The following SLC14A2 variants were observed in gnomAD, a reference collection of about 807,000 sequenced individuals.
The protein encoded by SLC14A2 is solute carrier family 14 member 2.
Under a neutral mutation model 104.6 loss-of-function variants are expected in SLC14A2, and 91 were observed. That is an observed-to-expected ratio of 0.87 (90% CI 0.73 to 1.04). SLC14A2 has a LOEUF of 1.04. Among genes scored for constraint, SLC14A2 ranks in the 50% least tolerant of loss-of-function variants. SLC14A2 has a pLI of 0.00. For missense variants in SLC14A2, 1,189 were observed against 1,156.0 expected (o/e 1.03, Z -0.41); for synonymous variants, 476 against 466.4 (o/e 1.02, Z -0.27).
At chr18:45,369,377 C>T (rs2085698943) in intron 1 of SLC14A2, among the ~76,000 whole-genome samples, 1 of 152,138 alleles carries the variant, frequency 6.6e-6, no homozygotes, top group Non-Finnish European at 1.5e-5. Flanking sequence ...ACATGTTTGA[C>T]TTAATTTGAT....
At chr18:45,256,084 G>A (rs1043449223) in intron 1 of SLC14A2, among the ~76,000 whole-genome samples, 2 of 152,278 alleles carry the variant, frequency 1.3e-5, no homozygotes, top group South Asian at 2.1e-4. Flanking sequence ...TTCTGGAGGT[G>A]CCGGAACAAA....
intron 2 of SLC14A2, among the ~76,000 whole-genome samples, chr18:45,510,536 G>A (rs1440875610): frequency 6.6e-6 from 1 of 152,060 alleles, no homozygotes; most frequent in Non-Finnish European, 1.5e-5. Flanking sequence ...AATCTTTCAT[G>A]GAATGTCACA....
chr18:45,378,494 A>G (rs568301509), intron 1 of SLC14A2, among the ~76,000 whole-genome samples: 3 of 152,230 alleles, frequency 2.0e-5, no homozygotes, highest in Non-Finnish European at 4.4e-5. Flanking sequence ...GACATGATAG[A>G]GGCAAGTGAT....
chr18:45,321,638 G>A (rs1035606655), intron 1 of SLC14A2, among the ~76,000 whole-genome samples: 1 of 152,154 alleles, frequency 6.6e-6, no homozygotes, highest in Non-Finnish European at 1.5e-5. Flanking sequence ...ATCCTCCAGC[G>A]CCCGTGCTAT....
intron 1 of SLC14A2, among the ~76,000 whole-genome samples, chr18:45,313,357 C>A (rs905331745): frequency 3.3e-5 from 5 of 152,160 alleles, no homozygotes; most frequent in Non-Finnish European, 7.3e-5. Flanking sequence ...TCCATGACTG[C>A]AGGGCCTGAG....
intron 1 of SLC14A2, among the ~76,000 whole-genome samples, chr18:45,253,894 C>T (rs1012268579): frequency 6.6e-6 from 1 of 152,136 alleles, no homozygotes; most frequent in Non-Finnish European, 1.5e-5. Flanking sequence ...TGAGGAGATT[C>T]TATTCTATAT....
intron 2 of SLC14A2, among the ~76,000 whole-genome samples, chr18:45,551,158 C>A (rs1159214265): frequency 6.6e-6 from 1 of 152,068 alleles, no homozygotes; most frequent in South Asian, 2.1e-4. Context: ...CTGCTACAGG[C>A]AGGAAAGACA....
intron 10 of SLC14A2, 119 bp downstream of exon 10, chr18:45,644,279 G>A: frequency 1.1e-6 from 1 of 926,414 alleles, no homozygotes. Context: ...CCTTGCACCT[G>A]TGTAGAACCA....
At chr18:45,186,431 C>T in the SLC14A2 span, among the ~76,000 whole-genome samples, 3 of 152,164 alleles carry the variant, frequency 2.0e-5, no homozygotes, top group Non-Finnish European at 2.9e-5. Context: ...TATTTCACAT[C>T]ATCTACAAAA....
intron 1 of SLC14A2, among the ~76,000 whole-genome samples, chr18:45,368,000 G>C (rs1437621771): frequency 6.6e-6 from 1 of 152,122 alleles, no homozygotes; most frequent in African/African-American, 2.4e-5. Context: ...CATCTGGGTG[G>C]CTGTGATCCT....
chr18:45,671,433 A>G (rs2046133735), intron 16 of SLC14A2, among the ~76,000 whole-genome samples: 1 of 152,276 alleles, frequency 6.6e-6, no homozygotes. Flanking sequence ...TCTGATAAAT[A>G]AGTGGTGAAT....
rs752201093 is a variant in SLC14A2 at position 45,488,316 on chromosome 18, A to G, written c.-35+4994A>G. 2.0e-4 allele frequency among the ~76,000 whole-genome samples: 31 copies of G among 152,136 alleles called. 1 individual carries two copies. The highest frequency in any genetic ancestry group is 1.8e-3 in the Admixed American group (28 of 15,278). Reference sequence around the variant, plus strand: ...TCTGGGGACTAAGATCCAAACCAACATCCAAATCCAGGGTTCTGCCCAAAC... The same window carrying G: ...TCTGGGGACTAAGATCCAAACCAACGTCCAAATCCAGGGTTCTGCCCAAAC... On this transcript the variant is annotated intron_variant, in intron 2 of 20. Transcript: ENST00000586448.
At position 45,672,897 on chromosome 18, in the gene SLC14A2, C is replaced by G. The variant is rs146460772; in HGVS notation, c.2230-3C>G. 24 of 1,612,394 alleles carry G rather than the reference C, an allele frequency of 1.5e-5. No individual in the cohort carries two copies. The African/African-American group carries it at 2.8e-4, about 19-fold the overall frequency. Reference sequence around the variant, plus strand: ...TGAGCATGTAATCCTGTTATGCCTACAGCTTTTGAGAGCCATCCCCGTTGG... The same window carrying G: ...TGAGCATGTAATCCTGTTATGCCTAGAGCTTTTGAGAGCCATCCCCGTTGG... On this transcript the variant is annotated splice_polypyrimidine_tract_variant and splice_region_variant and intron_variant, in intron 16 of 19. Transcript: ENST00000255226.
intron 1 of SLC14A2, among the ~76,000 whole-genome samples, chr18:45,237,523 C>T (rs2084267873): frequency 6.6e-6 from 1 of 152,214 alleles, no homozygotes; most frequent in African/African-American, 2.4e-5. Flanking sequence ...CTACGCTCCC[C>T]ATTCTCATGC....
chr18:45,253,730 A>G (rs75434847), intron 1 of SLC14A2, among the ~76,000 whole-genome samples: 11,860 of 152,274 alleles, frequency 0.078, 531 homozygotes, highest in African/African-American at 0.094. Flanking sequence ...TCCAAGTCTT[A>G]TCTTCAGAGA....
chr18:45,392,888 C>CA (rs1169528031), intron 1 of SLC14A2, among the ~76,000 whole-genome samples: 4 of 152,102 alleles, frequency 2.6e-5, no homozygotes, highest in Admixed American at 6.6e-5. Flanking sequence ...ATTCTTTCTA[C>CA]AAAAAAATAA....
chr18:45,407,735 A>G (rs1253740062), intron 1 of SLC14A2, among the ~76,000 whole-genome samples: 1 of 152,144 alleles, frequency 6.6e-6, no homozygotes, highest in Non-Finnish European at 1.5e-5. Flanking sequence ...GTTGTATCTC[A>G]GGGATTAAGG....
At chr18:45,619,043 C>T (rs1390934371) in intron 1 of SLC14A2, among the ~76,000 whole-genome samples, 3 of 152,248 alleles carry the variant, frequency 2.0e-5, no homozygotes, top group Non-Finnish European at 4.4e-5. Flanking sequence ...CAAACCTAGA[C>T]ACTAAGGACT....
At chr18:45,283,988 G>A (rs1454888112) in intron 1 of SLC14A2, among the ~76,000 whole-genome samples, 1 of 152,074 alleles carries the variant, frequency 6.6e-6, no homozygotes. Flanking sequence ...ATTTAACCTG[G>A]TAATATTGAT....
Sources: allele counts gnomAD v4.1 joint callset (sites outside exome capture counted in the v4.1 genomes callset), GRCh38; gene constraint gnomAD v4.1.1; transcripts MANE v1.5; gene names NCBI Gene and HGNC (gene_info 2026-07-23, HGNC 2026-07-21).